Variants in SCAPER observed in about 807,000 individuals in gnomAD.
SCAPER encodes S-phase cyclin A associated protein in the ER.
In SCAPER, 98 loss-of-function variants were observed where a neutral mutation model predicts 182.2. The observed-to-expected ratio is 0.54, with a 90% CI of 0.46 to 0.64. SCAPER has a LOEUF of 0.64. Among genes scored for constraint, SCAPER ranks in the 30% least tolerant of loss-of-function variants. The pLI is 0.00. For synonymous variants in SCAPER, 605 were observed against 564.6 expected, an observed-to-expected ratio of 1.07 and a Z score of -1.01; for missense variants, 1,432 against 1,690.0, an observed-to-expected ratio of 0.85 and a Z score of 2.68.
intron 20 of SCAPER, among the ~76,000 whole-genome samples, chr15:76,682,145 T>C (rs2057750038): frequency 6.6e-6 from 1 of 152,212 alleles, no homozygotes; most frequent in South Asian, 2.1e-4. Flanking sequence ...GACTGGGCCC[T>C]GTGGAAATGT....
In SCAPER at chr15:76,381,372, T is replaced by C. The variant is rs760149341; in HGVS notation, c.3705+6A>G. 1.2e-6 allele frequency: 2 copies of C among 1,608,046 alleles called. No homozygotes were observed. Among genetic ancestry groups the C allele is most frequent in the Non-Finnish European group, 1.7e-6 (2 of 1,176,078 alleles). The stretch of plus-strand genomic sequence containing the variant: ...GTTAACATCGATATAAACCAATACT[T>C]GGTACCTGAAAAGCAGGCAGATGAA... On this transcript the variant is annotated splice_donor_region_variant and intron_variant, in intron 28 of 31. Transcript: ENST00000563290.
At chr15:76,643,860 T>C (rs2054313906) in intron 21 of SCAPER, among the ~76,000 whole-genome samples, 1 of 152,088 alleles carries the variant, frequency 6.6e-6, no homozygotes, top group Admixed American at 6.5e-5. Context: ...AAAATATAGA[T>C]TCCTCCCCTA....
chr15:76,852,859 T>A (rs1285461745), intron 4 of SCAPER, among the ~76,000 whole-genome samples: 2 of 151,720 alleles, frequency 1.3e-5, no homozygotes, highest in African/African-American at 4.8e-5. Flanking sequence ...ACCAAGGAAA[T>A]CAAGACATGA....
intron 5 of SCAPER, among the ~76,000 whole-genome samples, chr15:76,840,136 G>A (rs1308076493): frequency 2.6e-5 from 4 of 152,098 alleles, no homozygotes; most frequent in South Asian, 2.1e-4. Context: ...CATAAAAAGT[G>A]GCTGGGCATG....
At chr15:76,603,933 C>G (rs541061876) in intron 22 of SCAPER, among the ~76,000 whole-genome samples, 1 of 121,028 alleles carries the variant, frequency 8.3e-6, no homozygotes, top group East Asian at 2.2e-4. Flanking sequence ...AGCCCTTTGT[C>G]AGATGAGTAG....
At chr15:76,450,416 A>G (rs1280103045) in intron 25 of SCAPER, among the ~76,000 whole-genome samples, 1 of 152,192 alleles carries the variant, frequency 6.6e-6, no homozygotes, top group Non-Finnish European at 1.5e-5. Flanking sequence ...TAATTCAGTT[A>G]CTGTCTTTAC....
chr15:76,709,597 C>A (rs1456074149), intron 17 of SCAPER, among the ~76,000 whole-genome samples: 1 of 152,054 alleles, frequency 6.6e-6, no homozygotes, highest in African/African-American at 2.4e-5. Flanking sequence ...AAAGAAAAAC[C>A]CAAGCCTGAT....
chr15:76,700,505 C>A (rs2058883526), intron 20 of SCAPER, among the ~76,000 whole-genome samples: 1 of 152,198 alleles, frequency 6.6e-6, no homozygotes, highest in Non-Finnish European at 1.5e-5. Flanking sequence ...AGCCAGGCAA[C>A]ATTCCCTGCT....
intron 21 of SCAPER, among the ~76,000 whole-genome samples, chr15:76,661,177 T>C (rs2056124061): frequency 6.6e-6 from 1 of 151,904 alleles, no homozygotes; most frequent in Non-Finnish European, 1.5e-5. Flanking sequence ...TTTTAGAAAG[T>C]AAAAAACTAA....
chr15:76,782,866 G>A (rs1053579609), intron 8 of SCAPER, among the ~76,000 whole-genome samples: 4 of 152,024 alleles, frequency 2.6e-5, no homozygotes, highest in Non-Finnish European at 5.9e-5. Flanking sequence ...AGAATCCCTG[G>A]GACACATTTA....
chr15:76,751,737 T>A (rs1388353709), intron 15 of SCAPER, among the ~76,000 whole-genome samples: 6 of 151,428 alleles, frequency 4.0e-5, no homozygotes, highest in African/African-American at 1.5e-4. Flanking sequence ...TCGAAATGGA[T>A]CAATTACCTA....
chr15:76,813,297 A>T (rs2151595485), intron 5 of SCAPER, among the ~76,000 whole-genome samples: 1 of 150,232 alleles, frequency 6.7e-6, no homozygotes, highest in African/African-American at 2.5e-5. Flanking sequence ...TCCTCAATAT[A>T]GTAGAAGTCA....
chr15:76,398,091 C>T (rs1161111409), intron 27 of SCAPER, among the ~76,000 whole-genome samples: 3 of 152,108 alleles, frequency 2.0e-5, no homozygotes, highest in African/African-American at 7.2e-5. Context: ...TATGTCTTTG[C>T]TTATGCTATT....
rs2045129376 is a variant in SCAPER at position 76,409,571 on chromosome 15, A to ATT, written c.3312-4894_3312-4893dup. 4.6e-5 allele frequency among the ~76,000 whole-genome samples: 7 copies of ATT among 151,976 alleles called. No homozygotes were observed. The South Asian group carries it at 1.2e-3, about 27-fold the overall frequency. ...ATTCACTACAAGCCCAAACTTCACC[A>ATT]TTAGGTAATATATCCATGTATTATG... On this transcript the variant is annotated intron_variant, in intron 26 of 31. Transcript: ENST00000563290.
chr15:76,547,087 T>C (rs570255425), intron 23 of SCAPER, among the ~76,000 whole-genome samples: 7 of 152,318 alleles, frequency 4.6e-5, no homozygotes, highest in African/African-American at 1.7e-4. Context: ...ATTTTGGGGT[T>C]GAATAGGGAA....
chr15:76,765,791 C>A (rs934328567), intron 11 of SCAPER, among the ~76,000 whole-genome samples, 153 bp from the exon 12 acceptor site: 1 of 152,156 alleles, frequency 6.6e-6, no homozygotes, highest in Admixed American at 6.5e-5. Context: ...CCAGTACAAT[C>A]AAAATAATTG....
At chr15:76,631,583 G>C (rs937671592) in intron 21 of SCAPER, among the ~76,000 whole-genome samples, 9 of 151,596 alleles carry the variant, frequency 5.9e-5, no homozygotes, top group African/African-American at 1.9e-4. Context: ...TTTTAGGTTG[G>C]ATTTTCTTTA....
chr15:76,428,556 A>G (rs909238202), intron 26 of SCAPER, among the ~76,000 whole-genome samples: 3 of 152,190 alleles, frequency 2.0e-5, no homozygotes, highest in Admixed American at 6.5e-5. Context: ...GATCTCACTC[A>G]AGTGTGTAAT....
intron 17 of SCAPER, among the ~76,000 whole-genome samples, chr15:76,709,381 G>A (rs1338385405): frequency 6.6e-6 from 1 of 152,056 alleles, no homozygotes; most frequent in South Asian, 2.1e-4. Context: ...TGATCCACAC[G>A]CCTTGGCCTC....
Sources: allele counts gnomAD v4.1 joint callset (sites outside exome capture counted in the v4.1 genomes callset), GRCh38; gene constraint gnomAD v4.1.1; transcripts MANE v1.5; gene names NCBI Gene and HGNC (gene_info 2026-07-23, HGNC 2026-07-21).